KDM6A: variants seen among roughly 807,000 people sequenced by gnomAD.
KDM6A encodes lysine demethylase 6A.
KDM6A carries 11 observed loss-of-function variants against 117.6 expected under a neutral mutation model. That is an observed-to-expected ratio of 0.09 (90% confidence interval 0.06 to 0.15). KDM6A has a LOEUF of 0.15. Among genes scored for constraint, KDM6A ranks in the 10% least tolerant of loss-of-function variants. The pLI is 1.00. For synonymous variants in KDM6A, 384 were observed against 396.1 expected (o/e 0.97, Z 0.36); for missense variants, 799 against 1,077.3 (o/e 0.74, Z 3.62).
intron 28 of KDM6A, among the ~76,000 whole-genome samples, chrX:45,108,200 A>G (rs1055749190): frequency 9.0e-6 from 1 of 111,506 alleles, no homozygotes; most frequent in African/African-American, 3.3e-5. Context: ...TAGACTAAAA[A>G]AGTGATGAGA....
intron 8 of KDM6A, among the ~76,000 whole-genome samples, chrX:45,045,750 T>A (rs1245967545): frequency 9.0e-6 from 1 of 111,722 alleles, no homozygotes. Context: ...ACATTTTGTT[T>A]ATCCATTTCA....
At chrX:45,050,041 A>T (rs1410381501) in intron 8 of KDM6A, among the ~76,000 whole-genome samples, 4 of 112,984 alleles carry the variant, frequency 3.5e-5, no homozygotes, top group Non-Finnish European at 7.5e-5. Flanking sequence ...GTAAAAGTTG[A>T]TTTAATAACT....
intron 2 of KDM6A, among the ~76,000 whole-genome samples, chrX:44,958,791 A>G (rs1324838026): frequency 6.4e-5 from 7 of 110,049 alleles, no homozygotes; most frequent in Non-Finnish European, 1.3e-4. Context: ...AAAGCAAGAA[A>G]TAAAAATAAT....
In KDM6A at chrX:44,922,860, A is replaced by G. The variant is rs143764109; in HGVS notation, c.226-38424A>G. On this transcript the variant is annotated intron_variant, in intron 2 of 29. Transcript: ENST00000611820. ...ATTTGCTCACATGTTTACTATTTCT[A>G]TTGCTTTTTATGCCTTTATGTAGAT... is the stretch of plus-strand genomic sequence containing the variant. 4.6e-3 allele frequency among the ~76,000 whole-genome samples: 523 copies of G among 112,560 alleles called. 5 individuals carry two copies. Among genetic ancestry groups the G allele is most frequent in the African/African-American group, 0.016 (488 of 30,946 alleles).
intron 4 of KDM6A, among the ~76,000 whole-genome samples, chrX:44,996,443 C>T (rs1458593930): frequency 9.2e-6 from 1 of 108,218 alleles, no homozygotes; most frequent in Non-Finnish European, 1.9e-5. Flanking sequence ...AGTCTTGGGT[C>T]AGAATCACAG....
chrX:45,015,778 G>T (rs2041935888), intron 5 of KDM6A, among the ~76,000 whole-genome samples: 1 of 111,925 alleles, frequency 8.9e-6, no homozygotes, highest in South Asian at 3.7e-4. Flanking sequence ...ATTTAAGGCA[G>T]TTCTGATAAA....
intron 2 of KDM6A, among the ~76,000 whole-genome samples, chrX:44,896,510 A>G (rs1392989910): frequency 9.0e-6 from 1 of 111,724 alleles, no homozygotes; most frequent in Non-Finnish European, 1.9e-5. Context: ...CTAAAAAAAG[A>G]TAAAAAGAAA....
At chrX:45,023,818 A>G (rs1020564562) in intron 6 of KDM6A, among the ~76,000 whole-genome samples, 2 of 110,044 alleles carry the variant, frequency 1.8e-5, no homozygotes, top group East Asian at 2.8e-4. Context: ...CGAGTCCCCA[A>G]AGTCCATTAT....
At chrX:44,913,310 T>TG (rs1323539185) in intron 2 of KDM6A, among the ~76,000 whole-genome samples, 1 of 107,216 alleles carries the variant, frequency 9.3e-6, no homozygotes, top group Admixed American at 1.0e-4. Flanking sequence ...TTTTTTTTTT[T>TG]TTTTGAGACG....
At chrX:44,929,216 A>G (rs1189901509) in intron 2 of KDM6A, among the ~76,000 whole-genome samples, 1 of 96,699 alleles carries the variant, frequency 1.0e-5, no homozygotes, top group Non-Finnish European at 2.1e-5. Flanking sequence ...TCATTTTACT[A>G]TGTTTTAAAA....
At chrX:45,109,607 T>C (rs759435000) in intron 28 of KDM6A, among the ~76,000 whole-genome samples, 12 of 110,914 alleles carry the variant, frequency 1.1e-4, no homozygotes, top group Admixed American at 2.9e-4. Flanking sequence ...AAGTGAGTCA[T>C]TAGGAGATCA....
chrX:44,895,530 C>G (rs1339027658), intron 2 of KDM6A, among the ~76,000 whole-genome samples: 2 of 85,742 alleles, frequency 2.3e-5, no homozygotes, highest in African/African-American at 8.3e-5. Context: ...TTCCTTCTTT[C>G]TGCTTGCTTT....
intron 17 of KDM6A, among the ~76,000 whole-genome samples, chrX:45,065,470 A>G (rs969617132): frequency 1.8e-5 from 2 of 111,827 alleles, no homozygotes; most frequent in African/African-American, 3.3e-5. Flanking sequence ...CCTCTTTGGT[A>G]CTCTGTGGAT....
intron 18 of KDM6A, among the ~76,000 whole-genome samples, chrX:45,071,024 T>A (rs992522691): frequency 8.9e-6 from 1 of 112,028 alleles, no homozygotes; most frequent in Admixed American, 9.5e-5. Flanking sequence ...GCATCATCTT[T>A]CTCTGATATT....
intron 8 of KDM6A, among the ~76,000 whole-genome samples, chrX:45,044,991 G>A (rs1375496928): frequency 2.7e-5 from 3 of 110,727 alleles, no homozygotes; most frequent in Non-Finnish European, 5.7e-5. Context: ...TATTTTACAC[G>A]AATCCAAGAA....
chrX:45,079,183 T>C lies in KDM6A; in HGVS notation c.3132T>C (p.Ala1044=). The stretch of plus-strand genomic sequence containing the variant: ...TCTCTACTAAAACTTTGGTGGAAGC[T>C]AACAATGAACATATGGTAGAAGTGA... ...GLFSTKTLVE[A]NNEHMVEVRT... Residue 1044 remains alanine, a synonymous_variant, in exon 21 of 30, where the codon GCT becomes GCC. Coordinates refer to ENST00000611820, the MANE Select transcript of KDM6A (RefSeq NM_001291415.2). 5.8e-6 allele frequency: 7 copies of C among 1,210,926 alleles called. No individual in the cohort carries two copies. Among genetic ancestry groups the C allele is most frequent in the Non-Finnish European group, 7.8e-6 (7 of 894,708 alleles).
rs2031089050 is a variant in KDM6A, at chrX:44,873,688, G to A, written c.137G>A (p.Arg46Lys). The change falls in exon 1 of 30, where the codon AGG becomes AAG. Residue 46 changes from arginine to lysine, a missense_variant. Physicochemically the swap from Arg to Lys is conservative, Grantham distance 26. Transcript: ENST00000611820. ...EASPSLTAEE[R>K]EALGGLDSRL... ...TCCCCCAGCCTGACAGCCGAGGAGA[G>A]GGAGGCGCTCGGCGGACTGGACAGG... is the stretch of plus-strand genomic sequence containing the variant. The A allele has an allele frequency of 8.5e-7, 1 of 1,176,317 alleles. No individual in the cohort carries two copies. Among genetic ancestry groups the A allele is most frequent in the Non-Finnish European group, 1.1e-6 (1 of 878,725 alleles).
intron 16 of KDM6A, 36 bp downstream of exon 16, chrX:45,062,784 C>T (rs763913966): frequency 1.1e-6 from 1 of 915,933 alleles, no homozygotes; most frequent in Non-Finnish European, 1.6e-6. Context: ...AATTTGTTAG[C>T]ATTTTGAGTA....
intron 10 of KDM6A, among the ~76,000 whole-genome samples, chrX:45,055,740 A>G (rs888639507): frequency 3.6e-5 from 4 of 111,789 alleles, no homozygotes; most frequent in African/African-American, 1.3e-4. Context: ...GGGAAACAGT[A>G]GGTGCCTGTC....
Sources: gnomAD v4.1 joint callset for allele counts (sites outside exome capture counted in the v4.1 genomes callset) on GRCh38, gnomAD v4.1.1 for gene constraint, MANE v1.5 for transcripts, NCBI Gene and HGNC (gene_info 2026-07-23, HGNC 2026-07-21) for gene names.